FUCA1: variants seen among roughly 807,000 people sequenced by gnomAD.
FUCA1 encodes the protein alpha-L-fucosidase 1.
Under a neutral mutation model 56.8 loss-of-function variants are expected in FUCA1, and 52 were observed. The ratio of observed to expected loss-of-function variants is 0.92; its 90% CI spans 0.73 to 1.15. The LOEUF (loss-of-function observed/expected upper bound fraction) is 1.15, where lower values mean the gene tolerates loss of function less well. Among genes scored for constraint, FUCA1 ranks in the 50% most tolerant of loss-of-function variants. The pLI, the probability that FUCA1 is intolerant of heterozygous loss-of-function variation, is 0.00. For synonymous variants in FUCA1, 230 were observed against 226.6 expected (o/e 1.02, Z -0.14); for missense variants, 568 against 592.6 (o/e 0.96, Z 0.43).
rs1259684830 is a variant in FUCA1 at position 23,868,273 on chromosome 1, C to T, written c.14G>A (p.Gly5Glu). MRAP[G>E]MRSRPAGPAL... The stretch of plus-strand genomic sequence containing the variant: ...GGGACCCGCCGGCCGCGACCTCATC[C>T]CCGGAGCCCGCATCGCTACCCCTCA... The change falls in exon 1 of 8, where the codon GGG becomes GAG. Residue 5 changes from glycine (G) to glutamate (E), a missense_variant. Gly to Glu is a moderately conservative substitution (Grantham distance 98). Transcript: ENST00000374479. The T allele has an allele frequency of 1.9e-6, 3 of 1,552,246 alleles. No individual in the cohort carries two copies. The highest frequency in any genetic ancestry group is 2.7e-5 in the African/African-American group (2 of 73,376).
intron 5 of FUCA1, among the ~76,000 whole-genome samples, chr1:23,849,275 C>T (rs1006206768): frequency 5.3e-5 from 8 of 152,090 alleles, no homozygotes; most frequent in Non-Finnish European, 8.8e-5. Flanking sequence ...CATGAGTCAC[C>T]GCACCTGAGC....
chr1:23,867,722 ACCT>A lies in FUCA1; in HGVS notation c.389+173_389+175del, dbSNP rs762867939. 25 of 984,116 alleles carry A rather than the reference ACCT, an allele frequency of 2.5e-5. No homozygotes were observed. Among genetic ancestry groups the A allele is most frequent in the Non-Finnish European group, 2.9e-5 (24 of 829,518 alleles). 61.0% of individuals were successfully genotyped at this position (984,116 alleles called of 1,614,324 possible). ...CATTTATCAGTCCCCAGTCAAACGC[ACCT>A]CCTCCTCCTCATCAGGTGTGCCAGG... is the stretch of plus-strand genomic sequence containing the variant. On this transcript the variant is annotated intron_variant, in intron 1 of 7. Coordinates refer to ENST00000374479, the MANE Select transcript of FUCA1 (RefSeq NM_000147.5). The surrounding 1 kb of genome is among the most constrained non-coding windows in gnomAD (Gnocchi z 4.9).
chr1:23,857,302 A>G (rs907861758), intron 4 of FUCA1, among the ~76,000 whole-genome samples: 1 of 152,136 alleles, frequency 6.6e-6, no homozygotes, highest in Non-Finnish European at 1.5e-5. Context: ...TTCAGCAACT[A>G]CCATGAGGCT....
chr1:23,861,497 T>C (rs933176696), intron 3 of FUCA1, among the ~76,000 whole-genome samples: 7 of 152,158 alleles, frequency 4.6e-5, no homozygotes, highest in Non-Finnish European at 5.9e-5. Flanking sequence ...TTCAGGACTA[T>C]AAGACTAAGA....
intron 4 of FUCA1, 138 bp from the exon 5 acceptor site, chr1:23,854,698 T>C: frequency 1.3e-6 from 1 of 741,430 alleles, no homozygotes; most frequent in Non-Finnish European, 2.4e-6. Context: ...AATTTTGCTC[T>C]GGAGGGGACA....
chr1:23,866,456 A>G (rs1248927270), intron 1 of FUCA1, among the ~76,000 whole-genome samples: 1 of 152,270 alleles, frequency 6.6e-6, no homozygotes. Context: ...AATAACAACC[A>G]AATCACTCAA....
intron 7 of FUCA1, 78 bp downstream of exon 7, chr1:23,845,996 G>C (rs1215898649): frequency 3.8e-5 from 57 of 1,503,562 alleles, no homozygotes; most frequent in Non-Finnish European, 3.3e-5. Context: ...GGAGAAACCT[G>C]GCAGGGAAGG....
intron 3 of FUCA1, among the ~76,000 whole-genome samples, chr1:23,862,355 C>G (rs921283529): frequency 1.3e-5 from 2 of 152,054 alleles, no homozygotes; most frequent in Middle Eastern, 3.2e-3. Context: ...TTAGTAGAGA[C>G]GAGATTTCAC....
At chr1:23,859,054 T>G (rs896837709) in intron 4 of FUCA1, among the ~76,000 whole-genome samples, 5 of 152,160 alleles carry the variant, frequency 3.3e-5, no homozygotes, top group African/African-American at 9.6e-5. Context: ...AGTGCTGGGA[T>G]TACAGGCATG....
rs1157244172 is a variant in FUCA1 at position 23,867,077 on chromosome 1, C to T, written c.389+821G>A. Reference sequence around the variant, plus strand: ...AAGCCAGGGGCTGGGGAAACCTCCCCGCCTCCATTTTTACTCTTCTCCAAC... The same window carrying T: ...AAGCCAGGGGCTGGGGAAACCTCCCTGCCTCCATTTTTACTCTTCTCCAAC... On this transcript the variant is annotated intron_variant, in intron 1 of 7. Transcript: ENST00000374479. The surrounding 1 kb of genome is among the most constrained non-coding windows in gnomAD (Gnocchi z 4.9). Among the ~76,000 whole-genome samples, 1 of 152,128 alleles carries T rather than the reference C, an allele frequency of 6.6e-6. No homozygotes were observed. Among genetic ancestry groups the T allele is most frequent in the African/African-American group, 2.4e-5 (1 of 41,420 alleles).
At chr1:23,862,762 T>A (rs1290160682) in intron 3 of FUCA1, among the ~76,000 whole-genome samples, 2 of 151,898 alleles carry the variant, frequency 1.3e-5, no homozygotes, top group East Asian at 3.9e-4. Flanking sequence ...CTCAGGAGAG[T>A]GTTCTGTTTA....
chr1:23,849,567 G>A (rs980011899), intron 5 of FUCA1, among the ~76,000 whole-genome samples: 5 of 144,146 alleles, frequency 3.5e-5, no homozygotes, highest in East Asian at 2.2e-4. Context: ...GCTATAAAGA[G>A]ATACGTTCTT....
At chr1:23,866,980 A>G (rs1639635321) in intron 1 of FUCA1, among the ~76,000 whole-genome samples, 1 of 152,182 alleles carries the variant, frequency 6.6e-6, no homozygotes, top group African/African-American at 2.4e-5. Flanking sequence ...AGTACAAGTG[A>G]ATTCAAAGTT....
In FUCA1 at chr1:23,845,760, G is replaced by A; in HGVS notation, c.1356C>T (p.Val452=). The A allele has an allele frequency of 6.2e-7, 1 of 1,614,152 alleles. No homozygotes were observed. The highest frequency in any genetic ancestry group is 1.1e-5 in the South Asian group (1 of 91,078). ...ISLPQLPPSA[V]PAEFAWTIKL... ...TTATAGTCCAAGCAAACTCTGCGGG[G>A]ACAGCAGAGGGTGGCAACTGGGGTA... The change falls in exon 8 of 8, where the codon GTC becomes GTT. Residue 452 remains valine, a synonymous_variant. Transcript: ENST00000374479.
Position 23,845,306 on chromosome 1 carries a change from T to G in FUCA1, c.*409A>C. The G allele has an allele frequency of 3.3e-6, 1 of 303,648 alleles. No individual in the cohort carries two copies. Among genetic ancestry groups the G allele is most frequent in the African/African-American group, 2.2e-5 (1 of 45,946 alleles). The allele number at this position is 303,648 out of a possible 1,614,324, so 18.8% of individuals were successfully genotyped here. A position where few individuals can be genotyped will look rare whatever the true frequency, so the allele number is the denominator to read the frequency against. On this transcript the variant is annotated 3_prime_UTR_variant, in exon 8 of 8. Transcript: ENST00000374479. ...TTGCAGAAAGACTGTTGGTGACAAC[T>G]GATGCTAACTAAATAGCATGTGGTT...
chr1:23,854,656 TTA>T (rs1318942384), intron 4 of FUCA1, 96 bp from the exon 5 acceptor site: 25 of 1,059,922 alleles, frequency 2.4e-5, no homozygotes, highest in Non-Finnish European at 3.3e-5. Flanking sequence ...AGCAAGAAAC[TTA>T]GTCTAGAGCA....
At chr1:23,849,775 G>T (rs1347203199) in intron 5 of FUCA1, among the ~76,000 whole-genome samples, 1 of 151,358 alleles carries the variant, frequency 6.6e-6, no homozygotes, top group Non-Finnish European at 1.5e-5. Context: ...TAGAGATGGG[G>T]TTTCACTATG....
intron 3 of FUCA1, among the ~76,000 whole-genome samples, chr1:23,861,181 G>T (rs1639503003): frequency 6.6e-6 from 1 of 151,668 alleles, no homozygotes; most frequent in Non-Finnish European, 1.5e-5. Flanking sequence ...AAATTAGCCG[G>T]GCATGGTGGC....
Position 23,846,123 on chromosome 1 carries a change from T to C in FUCA1, c.1211A>G (p.Glu404Gly). Reference protein sequence around the residue: ...AVYAIFLHWPENGVLNLESPI... With the variant: ...AVYAIFLHWPGNGVLNLESPI... The stretch of plus-strand genomic sequence containing the variant: ...GGATTCAAGGTTTAAGACTCCATTT[T>C]CTGGCCAGTGCAGAAAAATGGCATA... Residue 404 changes from glutamate (E) to glycine (G), a missense_variant, in exon 7 of 8, where the codon GAA becomes GGA. Physicochemically the swap from Glu to Gly is moderately conservative, Grantham distance 98 (BLOSUM62 -2). Transcript: ENST00000374479. 6.2e-7 allele frequency: 1 copy of C among 1,614,236 alleles called. No individual in the cohort carries two copies.
Sources: allele counts gnomAD v4.1 joint callset (sites outside exome capture counted in the v4.1 genomes callset), GRCh38; gene constraint gnomAD v4.1.1; non-coding constraint Gnocchi (gnomAD v3.1); transcripts MANE v1.5; gene names NCBI Gene and HGNC (gene_info 2026-07-23, HGNC 2026-07-21).